The following ARL13A variants were observed in gnomAD, a reference collection of about 807,000 sequenced individuals.
ARL13A encodes the protein ARF like GTPase 13A, also known as ADP-ribosylation factor-like protein 13A.
ARL13A carries 16 observed loss-of-function variants against 19.1 expected under a neutral mutation model. That is an observed-to-expected ratio of 0.84 (90% CI 0.57 to 1.27). The LOEUF is 1.27. ARL13A is among the 50% of genes most tolerant of loss of function. The pLI is 0.00. For synonymous variants in ARL13A, 69 were observed against 71.3 expected (o/e 0.97, Z 0.17); for missense variants, 153 against 186.4 (o/e 0.82, Z 1.04).
chrX:100,972,304 G>T (rs1482502330), intron 1 of ARL13A, among the ~76,000 whole-genome samples: 9 of 102,492 alleles, frequency 8.8e-5, no homozygotes, highest in Admixed American at 7.1e-4. Context: ...CAGTAGGGGG[G>T]GCCGGGCAGA....
chrX:100,977,066 G>A (rs1344348715), intron 3 of ARL13A, among the ~76,000 whole-genome samples: 5 of 112,019 alleles, frequency 4.5e-5, no homozygotes, highest in Non-Finnish European at 7.5e-5. Context: ...CATTGTAGGT[G>A]TATATATTTA....
chrX:100,972,353 G>A (rs1333484355), intron 1 of ARL13A, among the ~76,000 whole-genome samples: 84 of 94,950 alleles, frequency 8.8e-4, no homozygotes, highest in African/African-American at 2.9e-3. Context: ...CTGGCCGGGC[G>A]GGGGGCTGAC....
intron 3 of ARL13A, among the ~76,000 whole-genome samples, chrX:100,984,869 T>C (rs1339076208): frequency 8.9e-6 from 1 of 112,269 alleles, no homozygotes; most frequent in African/African-American, 3.2e-5. Flanking sequence ...ATTTATCAGA[T>C]TAATCCAATA....
At chrX:100,986,009 C>A in intron 4 of ARL13A, 93 bp downstream of exon 4, 1 of 1,031,884 alleles carries the variant, frequency 9.7e-7, no homozygotes, top group East Asian at 3.1e-5. Context: ...TTGTCACACC[C>A]AGCTAGGCCT....
chrX:100,981,891 G>A (rs935920900), intron 3 of ARL13A, among the ~76,000 whole-genome samples: 2 of 108,216 alleles, frequency 1.8e-5, no homozygotes, highest in African/African-American at 6.7e-5. Context: ...GTGCTTTCAT[G>A]TGGATAGTTG....
rs774077949 is a variant in ARL13A, at chrX:100,978,983, A to G, written c.130+4786A>G. On this transcript the variant is annotated intron_variant, in intron 3 of 7. Coordinates refer to ENST00000450049, the MANE Select transcript of ARL13A (RefSeq NM_001162491.2). Reference sequence around the variant, plus strand: ...ACTGATGACAACTGTGATTGCAAAAACAAGCAAAGAGAAAACTAATATTAA... The same window carrying G: ...ACTGATGACAACTGTGATTGCAAAAGCAAGCAAAGAGAAAACTAATATTAA... Among the ~76,000 whole-genome samples, 6 of 111,146 alleles carry G rather than the reference A, an allele frequency of 5.4e-5. No homozygotes were observed. In the South Asian group the frequency reaches 1.5e-3, roughly 28 times the overall value.
At chrX:100,981,203 A>G (rs1447615849) in intron 3 of ARL13A, among the ~76,000 whole-genome samples, 1 of 111,795 alleles carries the variant, frequency 8.9e-6, no homozygotes, top group African/African-American at 3.3e-5. Context: ...ACCCCAGAGC[A>G]CTTCAGGCCA....
chrX:100,983,232 G>A (rs1291631189), intron 3 of ARL13A, among the ~76,000 whole-genome samples: 2 of 111,279 alleles, frequency 1.8e-5, no homozygotes, highest in East Asian at 5.6e-4. Flanking sequence ...GAAGGAACTG[G>A]TAAGGTTTCA....
chrX:100,982,688 C>A (rs1370221156), intron 3 of ARL13A, among the ~76,000 whole-genome samples: 1 of 100,396 alleles, frequency 1.0e-5, no homozygotes, highest in Non-Finnish European at 2.0e-5. Flanking sequence ...CACTCTGTCA[C>A]CCCGACTGGG....
intron 3 of ARL13A, among the ~76,000 whole-genome samples, chrX:100,985,176 AAG>A (rs1275921220): frequency 8.9e-6 from 1 of 112,069 alleles, no homozygotes; most frequent in Non-Finnish European, 1.9e-5. Context: ...ATCCCAGGGC[AAG>A]AGAGAGCAAG....
chrX:100,974,848 T>C (rs181015154), intron 3 of ARL13A, among the ~76,000 whole-genome samples: 2 of 111,890 alleles, frequency 1.8e-5, no homozygotes, highest in East Asian at 5.6e-4. Context: ...CCTCCATCCA[T>C]GTTTATTGGA....
At chrX:100,982,353 G>A (rs1452956574) in intron 3 of ARL13A, among the ~76,000 whole-genome samples, 2 of 110,785 alleles carry the variant, frequency 1.8e-5, no homozygotes, top group East Asian at 5.7e-4. Flanking sequence ...TTGGCTGGGT[G>A]TGGTGGTGGG....
rs1302944743 is a variant in ARL13A at position 100,986,871 on chromosome X, A to G, written c.456A>G (p.Leu152=). Residue 152 remains leucine (L), a synonymous_variant, in exon 5 of 8, where the codon CTA becomes CTG. Coordinates refer to ENST00000450049, the MANE Select transcript of ARL13A (RefSeq NM_001162491.2). The part of the protein sequence containing the change: ...DIIDYLLLKK[L]VKENKCPCRV... Reference sequence around the variant, plus strand: ...TTGACTATCTACTTCTAAAGAAGCTAGTGAAAGAGAATAAGTGCCCATGCC... The same window carrying G: ...TTGACTATCTACTTCTAAAGAAGCTGGTGAAAGAGAATAAGTGCCCATGCC... The G allele has an allele frequency of 3.3e-6, 4 of 1,200,526 alleles. No individual in the cohort carries two copies. Among genetic ancestry groups the G allele is most frequent in the Admixed American group, 4.4e-5 (2 of 45,309 alleles).
rs1229156803 is a variant in ARL13A, at chrX:100,990,598, G to A, written c.*10G>A. 8 of 1,153,722 alleles carry A rather than the reference G, an allele frequency of 6.9e-6. No homozygotes were observed. Among genetic ancestry groups the A allele is most frequent in the Non-Finnish European group, 9.3e-6 (8 of 863,376 alleles). On this transcript the variant is annotated 3_prime_UTR_variant, in exon 8 of 8. Coordinates refer to ENST00000450049, the MANE Select transcript of ARL13A (RefSeq NM_001162491.2). ...ATCCTATACTCACTGAGAGGCTCAA[G>A]AAGAGTGAGATGGCATCCATTGAGA... is the stretch of plus-strand genomic sequence containing the variant.
chrX:100,988,851 C>CAT (rs55947893), intron 7 of ARL13A, among the ~76,000 whole-genome samples: 5,696 of 79,525 alleles, frequency 0.072, 198 homozygotes, highest in Admixed American at 0.092. Context: ...TAATATATCT[C>CAT]ATATATATAT....
chrX:100,979,111 T>C (rs746797140), intron 3 of ARL13A, among the ~76,000 whole-genome samples: 1 of 112,150 alleles, frequency 8.9e-6, no homozygotes, highest in Non-Finnish European at 1.9e-5. Flanking sequence ...TTACTTTTGA[T>C]AGGTTCATCT....
intron 3 of ARL13A, among the ~76,000 whole-genome samples, chrX:100,983,306 A>C (rs752417921): frequency 1.8e-5 from 2 of 111,478 alleles, no homozygotes; most frequent in Non-Finnish European, 3.8e-5. Flanking sequence ...AAAAATATAT[A>C]AAGCTTTTCT....
At position 100,988,872 on chromosome X, in the gene ARL13A, A is replaced by C. The variant is rs2085979598; in HGVS notation, c.744+589A>C. Among the ~76,000 whole-genome samples, 3 of 100,184 alleles carry C rather than the reference A, an allele frequency of 3.0e-5. No homozygotes were observed. The South Asian group carries it at 1.3e-3, about 45-fold the overall frequency. 87.0% of individuals were successfully genotyped at this position (100,184 alleles called of 115,157 possible). A position where few individuals can be genotyped will look rare whatever the true frequency, so the allele number is the denominator to read the frequency against. On this transcript the variant is annotated intron_variant, in intron 7 of 7. Transcript: ENST00000450049. ...ATCTCATATATATATATATATATAT[A>C]TATATATATCAAGAATTTAAAAACA...
intron 3 of ARL13A, among the ~76,000 whole-genome samples, chrX:100,980,824 A>G (rs2085841692): frequency 9.0e-6 from 1 of 111,031 alleles, no homozygotes; most frequent in Non-Finnish European, 1.9e-5. Context: ...TCCTGTCAAG[A>G]CTGGGTCCTT....
Sources: allele counts gnomAD v4.1 joint callset (sites outside exome capture counted in the v4.1 genomes callset), GRCh38; gene constraint gnomAD v4.1.1; transcripts MANE v1.5; gene names NCBI Gene and HGNC (gene_info 2026-07-23, HGNC 2026-07-21).